Variants in SET observed in about 807,000 individuals in gnomAD.
SET encodes SET nuclear proto-oncogene.
Under a neutral mutation model 39.0 loss-of-function variants are expected in SET, and 4 were observed. The ratio of observed to expected loss-of-function variants is 0.10; its 90% confidence interval spans 0.05 to 0.23. The LOEUF (loss-of-function observed/expected upper bound fraction) is 0.23, where lower values mean the gene tolerates loss of function less well. SET is among the 10% of genes least tolerant of loss of function. SET has a pLI of 1.00. For synonymous variants in SET, 114 were observed against 115.9 expected (o/e 0.98, Z 0.11); for missense variants, 137 against 329.7 (o/e 0.42, Z 4.53).
intron 5 of SET, 25 bp from the exon 6 acceptor site, chr9:128,693,613 A>G: frequency 6.3e-7 from 1 of 1,579,374 alleles, no homozygotes. Context: ...AGATTGTATC[A>G]AAAGCTCTTC....
chr9:128,691,164 T>C lies in SET; in HGVS notation c.74-6T>C. ...TAGAATTAAGTTTTTTGCTCCTTTTTTGCAGAAAAAGAACAGCAAGAAGCG... is the reference window on the plus strand; with the variant it reads ...TAGAATTAAGTTTTTTGCTCCTTTTCTGCAGAAAAAGAACAGCAAGAAGCG... On this transcript the variant is annotated splice_polypyrimidine_tract_variant and splice_region_variant and intron_variant, in intron 1 of 7. Transcript: ENST00000322030. The C allele has an allele frequency of 6.2e-7, 1 of 1,603,280 alleles. No homozygotes were observed. The highest frequency in any genetic ancestry group is 8.5e-7 in the Non-Finnish European group (1 of 1,174,906).
At chr9:128,688,082 G>A (rs1341450840), upstream of SET, among the ~76,000 whole-genome samples, 2 of 152,016 alleles carry the variant, frequency 1.3e-5, no homozygotes, top group Non-Finnish European at 2.9e-5. Flanking sequence ...ATGGTGGCAC[G>A]TGCCTGTAGC....
upstream of SET, among the ~76,000 whole-genome samples, chr9:128,686,754 T>C (rs1457427900): frequency 6.6e-6 from 1 of 151,960 alleles, no homozygotes; most frequent in African/African-American, 2.4e-5. Flanking sequence ...GAAGGATGGT[T>C]TGAGCTCAGG....
At chr9:128,692,102 A>G (rs1861557907) in intron 3 of SET, 102 bp downstream of exon 3, 11 of 1,415,342 alleles carry the variant, frequency 7.8e-6, no homozygotes, top group Non-Finnish European at 9.7e-6. Flanking sequence ...CGTGCAACAA[A>G]GACAGGCTGG....
At position 128,692,616 on chromosome 9, in the gene SET, T is replaced by C. The variant is rs565386050; in HGVS notation, c.275-46T>C. On this transcript the variant is annotated intron_variant, in intron 3 of 7. Coordinates refer to ENST00000322030, the MANE Select transcript of SET (RefSeq NM_003011.4). ...AAGGGATCACTTAAATTGTTGTTAG[T>C]GTGTGCCTGTTGAAAATTCAGCTGA... The C allele has an allele frequency of 1.8e-4, 220 of 1,233,426 alleles. 2 individuals carry two copies. In the South Asian group the frequency reaches 2.2e-3, roughly 13 times the overall value. 76.4% of individuals were successfully genotyped at this position (1,233,426 alleles called of 1,614,324 possible).
chr9:128,683,502 G>A (rs1380712230), upstream of SET: 5 of 238,870 alleles, frequency 2.1e-5, no homozygotes, highest in African/African-American at 8.8e-5. Flanking sequence ...AAAAAAAGAG[G>A]ATAAGTTCTC....
intron 7 of SET, 75 bp from the exon 8 acceptor site, chr9:128,694,566 G>A: frequency 1.0e-6 from 1 of 975,274 alleles, no homozygotes; most frequent in Non-Finnish European, 1.6e-6. Flanking sequence ...GGGCACTCGT[G>A]GGGTCCATTG....
chr9:128,691,022 CAGCT>C, intron 1 of SET, 144 bp from the exon 2 acceptor site: 1 of 725,884 alleles, frequency 1.4e-6, no homozygotes, highest in South Asian at 1.5e-5. Context: ...AGAAATTAGT[CAGCT>C]ACAAGCATGA....
At position 128,696,231 on chromosome 9, in the gene SET, G is replaced by A. The variant is rs537786942; in HGVS notation, c.*1567G>A. 2 of 204,920 alleles carry A rather than the reference G, an allele frequency of 9.8e-6. No individual in the cohort carries two copies. The highest frequency in any genetic ancestry group is 7.1e-5 in the East Asian group (1 of 14,078). The allele number at this position is 204,920 out of a possible 1,614,324, so 12.7% of individuals were successfully genotyped here. On this transcript the variant is annotated 3_prime_UTR_variant, in exon 8 of 8. Transcript: ENST00000322030. Reference sequence around the variant, plus strand: ...TGGTGAACTTCAAAAGCTTTTTGATGTATAAAACTTGATAAATGGAACTAT... The same window carrying A: ...TGGTGAACTTCAAAAGCTTTTTGATATATAAAACTTGATAAATGGAACTAT...
Position 128,690,006 on chromosome 9 carries a change from A to AGCCGCC in SET, c.73+361_73+366dup, listed in dbSNP as rs759628911. 16 of 1,032,468 alleles carry AGCCGCC rather than the reference A, an allele frequency of 1.5e-5. No homozygotes were observed. In the African/African-American group the frequency reaches 2.1e-4, roughly 13 times the overall value. The allele number at this position is 1,032,468 out of a possible 1,614,324, so 64.0% of individuals were successfully genotyped here. On this transcript the variant is annotated intron_variant, in intron 1 of 7. Coordinates refer to ENST00000322030, the MANE Select transcript of SET (RefSeq NM_003011.4). ...TCCGCCATGATGCCTCGCTCCCATC[A>AGCCGCC]GCCGCCGCCGCCGCCACATGGTGCG... is the stretch of plus-strand genomic sequence containing the variant.
chr9:128,693,030 G>A (rs187747487), intron 5 of SET, 49 bp downstream of exon 5: 2 of 1,305,460 alleles, frequency 1.5e-6, no homozygotes, highest in Non-Finnish European at 2.2e-6. Context: ...GCCTATTTCA[G>A]TTTAGTTTTA....
intron 2 of SET, 100 bp from the exon 3 acceptor site, chr9:128,691,758 G>C: frequency 8.5e-7 from 1 of 1,174,170 alleles, no homozygotes; most frequent in South Asian, 1.6e-5. Context: ...TGGTTATTTT[G>C]CATGACTCAA....
chr9:128,692,267 G>A (rs1366915937), intron 3 of SET: 2 of 350,926 alleles, frequency 5.7e-6, no homozygotes, highest in Non-Finnish European at 5.2e-6. Flanking sequence ...GCGCGCGCTT[G>A]TAATCCCAGC....
intron 1 of SET, chr9:128,690,006 A>C (rs1190048179): frequency 1.9e-6 from 2 of 1,032,468 alleles, no homozygotes; most frequent in East Asian, 1.1e-4. Context: ...CGCTCCCATC[A>C]GCCGCCGCCG....
At position 128,693,775 on chromosome 9, in the gene SET, T is replaced by C; in HGVS notation, c.630T>C (p.Asp210=). 6.2e-7 allele frequency: 1 copy of C among 1,613,762 alleles called. No individual in the cohort carries two copies. The highest frequency in any genetic ancestry group is 8.5e-7 in the Non-Finnish European group (1 of 1,179,984). ...ATGAGTTAGGAGAGGTCATCAAAGA[T>C]GATATTTGGCCAAACCCATTACAGT... ...GADELGEVIK[D]DIWPNPLQYY... The change falls in exon 6 of 8, where the codon GAT becomes GAC. Residue 210 remains aspartate, a synonymous_variant. Coordinates refer to ENST00000322030, the MANE Select transcript of SET (RefSeq NM_003011.4).
rs746550100 is a variant in SET, at chr9:128,683,851, C to A, written c.-45C>A. On this transcript the variant is annotated 5_prime_UTR_variant, in exon 1 of 8. Transcript: ENST00000372692. ...TCTCAGTGTTCAGCCTGCTTCCGGA[C>A]GGGCGAGGAGACTCGTGGTCTGGTT... 4.0e-6 allele frequency: 6 copies of A among 1,485,426 alleles called. No individual in the cohort carries two copies. In the African/African-American group the frequency reaches 7.0e-5, roughly 17 times the overall value. 92.0% of individuals were successfully genotyped at this position (1,485,426 alleles called of 1,614,324 possible).
intron 1 of SET, chr9:128,690,005 C>T (rs1037528151): frequency 9.6e-7 from 1 of 1,043,866 alleles, no homozygotes; most frequent in Non-Finnish European, 1.2e-6. Flanking sequence ...TCGCTCCCAT[C>T]AGCCGCCGCC....
intron 7 of SET, 61 bp downstream of exon 7, chr9:128,694,103 G>T (rs1589462569): frequency 1.7e-6 from 2 of 1,181,224 alleles, no homozygotes; most frequent in Admixed American, 4.0e-5. Flanking sequence ...GTTATTTTGG[G>T]GTGTATATAT....
chr9:128,688,406 G>A (rs1195728089), upstream of SET, among the ~76,000 whole-genome samples: 1 of 152,140 alleles, frequency 6.6e-6, no homozygotes, highest in Admixed American at 6.5e-5. Flanking sequence ...TCATCTCTAT[G>A]AACAGAACAC....
Sources: gnomAD v4.1 joint callset for allele counts (sites outside exome capture counted in the v4.1 genomes callset) on GRCh38, gnomAD v4.1.1 for gene constraint, MANE v1.5 for transcripts, NCBI Gene and HGNC (gene_info 2026-07-23, HGNC 2026-07-21) for gene names.